The following CCDC51 variants were observed in gnomAD, a reference collection of about 807,000 sequenced individuals.
CCDC51 encodes coiled-coil domain containing 51.
In CCDC51, 25 loss-of-function variants were observed where a neutral mutation model predicts 24.8. The ratio of observed to expected loss-of-function variants is 1.01; its 90% CI spans 0.73 to 1.41. The LOEUF (loss-of-function observed/expected upper bound fraction) is 1.41. CCDC51 is among the 40% of genes most tolerant of loss of function. The probability of loss-of-function intolerance (pLI) is 0.00; values close to 1 mark genes in which losing one functional copy is unlikely to be tolerated. For missense variants in CCDC51, 466 were observed against 519.1 expected (o/e 0.90, Z 0.99); for synonymous variants, 190 against 204.3 (o/e 0.93, Z 0.60).
intron 1 of CCDC51, among the ~76,000 whole-genome samples, chr3:48,439,088 C>T (rs1320502950): frequency 6.6e-6 from 1 of 152,216 alleles, no homozygotes; most frequent in Non-Finnish European, 1.5e-5. Context: ...CTTCCCCATG[C>T]ACCCTATCAG....
chr3:48,445,961 C>A, the CCDC51 span, among the ~76,000 whole-genome samples: 20 of 152,172 alleles, frequency 1.3e-4, no homozygotes, highest in Admixed American at 1.2e-3. Flanking sequence ...GTAACTCTTA[C>A]CTGGCCTTTG....
the CCDC51 span, among the ~76,000 whole-genome samples, chr3:48,445,750 A>G: frequency 2.0e-5 from 3 of 152,304 alleles, no homozygotes; most frequent in South Asian, 2.1e-4. Flanking sequence ...TGCTTTCACA[A>G]ATATTCCTAG....
Position 48,433,198 on chromosome 3 carries a change from A to G in CCDC51, c.478-32T>C, listed in dbSNP as rs758100347. Reference sequence around the variant, plus strand: ...AAGCAAAGCCATGTTATTGGATTACATGGGCACAAGGTGGCCCTGCAGCTA... The same window carrying G: ...AAGCAAAGCCATGTTATTGGATTACGTGGGCACAAGGTGGCCCTGCAGCTA... On this transcript the variant is annotated intron_variant, in intron 3 of 3. Transcript: ENST00000395694. The surrounding 1 kb of genome is among the most constrained non-coding windows in gnomAD (Gnocchi z 4.4). 1 of 1,599,176 alleles carries G rather than the reference A, an allele frequency of 6.3e-7. No individual in the cohort carries two copies.
upstream of CCDC51, among the ~76,000 whole-genome samples, chr3:48,442,653 T>C (rs946090560): frequency 6.6e-6 from 1 of 151,890 alleles, no homozygotes; most frequent in Non-Finnish European, 1.5e-5. Context: ...GGTTTCACCA[T>C]GTTGGCCAGG....
In CCDC51 at chr3:48,434,866, T is replaced by C. The variant is rs781471796; in HGVS notation, c.263A>G (p.Glu88Gly). The change falls in exon 2 of 4, where the codon GAG becomes GGG. Residue 88 changes from glutamate to glycine, a missense_variant. Physicochemically the swap from Glu to Gly is moderately conservative, Grantham distance 98. Transcript: ENST00000395694. Reference sequence around the variant, plus strand: ...TCGAACCTCGTTGAGTCCAACAAACTCTTCATATCTGTCCCACCAAGTCTT... The same window carrying C: ...TCGAACCTCGTTGAGTCCAACAAACCCTTCATATCTGTCCCACCAAGTCTT... The part of the protein sequence containing the change: ...TAKTWWDRYE[E>G]FVGLNEVREA... The C allele has an allele frequency of 6.2e-6, 10 of 1,613,466 alleles. No homozygotes were observed. Among genetic ancestry groups the C allele is most frequent in the Non-Finnish European group, 8.5e-6 (10 of 1,179,530 alleles).
upstream of CCDC51, among the ~76,000 whole-genome samples, chr3:48,441,485 CTTT>C (rs35268029): frequency 6.9e-6 from 1 of 145,484 alleles, no homozygotes. Context: ...ACCTGGCCAA[CTTT>C]TTTTTTTTTT....
In CCDC51 at chr3:48,434,915, G is replaced by T; in HGVS notation, c.214C>A (p.Gln72Lys). 4.3e-6 allele frequency: 7 copies of T among 1,614,244 alleles called. No homozygotes were observed. The highest frequency in any genetic ancestry group is 5.9e-6 in the Non-Finnish European group (7 of 1,180,042). The change falls in exon 2 of 4, where the codon CAG becomes AAG. Residue 72 changes from glutamine (Q) to lysine (K), a missense_variant. Gln to Lys is a moderately conservative substitution (Grantham distance 53). Transcript: ENST00000395694. ...ALGRALGHSIQQRATSTAKTW... is the reference protein window; with the variant it reads ...ALGRALGHSIKQRATSTAKTW... ...TTGGCTGTGGAGGTCGCTCGTTGCT[G>T]AATGCTGTGCCCCAGGGCTCTTCCC...
chr3:48,440,226 T>A (rs1294599415), upstream of CCDC51: 54 of 1,526,196 alleles, frequency 3.5e-5, no homozygotes, highest in Non-Finnish European at 4.1e-5. Flanking sequence ...GCCGCCTCGC[T>A]GTCTACGACA....
At chr3:48,438,902 C>T (rs1037614665) in intron 1 of CCDC51, among the ~76,000 whole-genome samples, 1 of 152,212 alleles carries the variant, frequency 6.6e-6, no homozygotes, top group Non-Finnish European at 1.5e-5. Flanking sequence ...TCCTCTCTGA[C>T]CTCATCTCCC....
chr3:48,434,953 CGGT>C lies in CCDC51; in HGVS notation c.173_175del (p.His58del), dbSNP rs780139053. The stretch of plus-strand genomic sequence containing the variant: ...CAGGGCTCTTCCCAGTGCTGGGAGG[CGGT>C]GGTGCAGCCCCAGGGCCACCTCCTC... On this transcript the variant is annotated inframe_deletion, in exon 2 of 4. Coordinates refer to ENST00000395694, the MANE Select transcript of CCDC51 (RefSeq NM_001256964.2). The C allele has an allele frequency of 7.5e-4, 1,203 of 1,614,210 alleles. 2 individuals are homozygous for C. Among genetic ancestry groups the C allele is most frequent in the Non-Finnish European group, 6.7e-4 (787 of 1,180,036 alleles).
upstream of CCDC51, among the ~76,000 whole-genome samples, chr3:48,443,535 G>GAA (rs35356755): frequency 5.7e-4 from 65 of 114,732 alleles, no homozygotes; most frequent in African/African-American, 1.7e-3. Context: ...TTCCATCTCA[G>GAA]AAAAAAAAAA....
intron 1 of CCDC51, among the ~76,000 whole-genome samples, chr3:48,439,526 G>A (rs962611723): frequency 4.6e-5 from 7 of 152,122 alleles, no homozygotes; most frequent in Admixed American, 6.6e-5. Context: ...CAGCTACTGG[G>A]GAGGCTGAGG....
upstream of CCDC51, among the ~76,000 whole-genome samples, chr3:48,442,031 CA>C (rs1172977334): frequency 0.57 from 85,658 of 151,438 alleles, 24,252 homozygotes; most frequent in East Asian, 0.69. Flanking sequence ...GCTAGGAGTT[CA>C]CAGCATCAAA....
chr3:48,434,273 C>T (rs1013556904), intron 2 of CCDC51, among the ~76,000 whole-genome samples: 1 of 152,218 alleles, frequency 6.6e-6, no homozygotes, highest in African/African-American at 2.4e-5. Context: ...CAGCCAAGCT[C>T]ACAATCTCCA....
At chr3:48,441,500 C>T (rs1228835005), upstream of CCDC51, among the ~76,000 whole-genome samples, 5,642 of 124,318 alleles carry the variant, frequency 0.045, 376 homozygotes, top group African/African-American at 0.15. Flanking sequence ...TTTTTTTTTT[C>T]GTACTGCTTA....
rs1484524283 is a variant in CCDC51, at chr3:48,437,871, C to G, written c.-9+2117G>C. On this transcript the variant is annotated intron_variant, in intron 1 of 3. Coordinates refer to ENST00000395694, the MANE Select transcript of CCDC51 (RefSeq NM_001256964.2). The surrounding 1 kb of genome is among the most constrained non-coding windows in gnomAD (Gnocchi z 4.2). ...ACCCATGCTTCTAGGGAAAACCAAC[C>G]TGTGCCCCAGGTCCCAAATCCTCTC... 6.6e-6 allele frequency: 1 copy of G among 152,104 alleles called. No individual in the cohort carries two copies. The highest frequency in any genetic ancestry group is 1.5e-5 in the Non-Finnish European group (1 of 68,040). 9.4% of individuals were successfully genotyped at this position (152,104 alleles called of 1,614,324 possible). A position where few individuals can be genotyped will look rare whatever the true frequency, so the allele number is the denominator to read the frequency against.
At chr3:48,443,906 T>C (rs758578739), upstream of CCDC51, 2 of 1,509,468 alleles carry the variant, frequency 1.3e-6, no homozygotes, top group Non-Finnish European at 8.8e-7. Context: ...CCTGAGGAGA[T>C]GGTGACCCTT....
rs1034692848 is a variant in CCDC51 at position 48,437,168 on chromosome 3, C to T, written c.-8-2032G>A. ...AAATATCACCTCTCAGTAAGGCTTC[C>T]TTGACCACTCCCTCCCCAGCTACCT... On this transcript the variant is annotated intron_variant, in intron 1 of 3. Transcript: ENST00000395694. The surrounding 1 kb of genome is among the most constrained non-coding windows in gnomAD (Gnocchi z 4.2). Among the ~76,000 whole-genome samples the T allele has an allele frequency of 6.6e-6, 1 of 152,232 alleles. No individual in the cohort carries two copies. The highest frequency in any genetic ancestry group is 1.5e-5 in the Non-Finnish European group (1 of 68,044).
At chr3:48,438,593 C>T (rs1252824979) in intron 1 of CCDC51, among the ~76,000 whole-genome samples, 1 of 152,166 alleles carries the variant, frequency 6.6e-6, no homozygotes, top group Non-Finnish European at 1.5e-5. Context: ...TCAGCAAATG[C>T]CCCTGGCTTT....
Sources: gnomAD v4.1 joint callset for allele counts (sites outside exome capture counted in the v4.1 genomes callset) on GRCh38, gnomAD v4.1.1 for gene constraint, Gnocchi (gnomAD v3.1) non-coding constraint, MANE v1.5 for transcripts, NCBI Gene and HGNC (gene_info 2026-07-23, HGNC 2026-07-21) for gene names.